PCDHGA11: variants seen among roughly 807,000 people sequenced by gnomAD.
The protein encoded by PCDHGA11 is protocadherin gamma subfamily A, 11, also known as protocadherin gamma-A11.
In PCDHGA11, 39 loss-of-function variants were observed where a neutral mutation model predicts 60.4. That is an observed-to-expected ratio of 0.65 (90% confidence interval 0.50 to 0.84). The LOEUF (loss-of-function observed/expected upper bound fraction) is 0.84. PCDHGA11 is among the 40% of genes least tolerant of loss of function. PCDHGA11 has a pLI of 0.00. For missense variants in PCDHGA11, 1,165 were observed against 1,197.7 expected, an observed-to-expected ratio of 0.97 and a Z score of 0.40; for synonymous variants, 533 against 510.3, an observed-to-expected ratio of 1.04 and a Z score of -0.60.
chr5:141,506,280 C>CT (rs1455257972), intron 3 of PCDHGA11, among the ~76,000 whole-genome samples: 1 of 152,024 alleles, frequency 6.6e-6, no homozygotes, highest in Non-Finnish European at 1.5e-5. Flanking sequence ...GAAACCCTGT[C>CT]TCTACTAAAA....
intron 1 of PCDHGA11, among the ~76,000 whole-genome samples, chr5:141,472,102 T>C (rs1231168102): frequency 6.6e-6 from 1 of 152,240 alleles, no homozygotes; most frequent in Non-Finnish European, 1.5e-5. Flanking sequence ...ATTCCCATTT[T>C]ATACATAAAG....
chr5:141,449,498 A>G (rs1190732747), intron 1 of PCDHGA11, among the ~76,000 whole-genome samples: 7 of 150,506 alleles, frequency 4.7e-5, no homozygotes, highest in Non-Finnish European at 8.9e-5. Flanking sequence ...GTGAGGCATG[A>G]GAAATGCTTG....
chr5:141,479,710 T>C (rs901198074), intron 1 of PCDHGA11: 1 of 152,264 alleles, frequency 6.6e-6, no homozygotes, highest in African/African-American at 2.4e-5. Flanking sequence ...GTCCCTGTCC[T>C]TCCAGCCTTA....
At chr5:141,433,358 C>CCTGCCTAT (rs1554125966) in intron 1 of PCDHGA11, 1 of 498,106 alleles carries the variant, frequency 2.0e-6, no homozygotes, top group Non-Finnish European at 3.5e-6. Flanking sequence ...CTACTGTCTG[C>CCTGCCTAT]CTATCTATCT....
chr5:141,472,733 C>T (rs1450872513), intron 1 of PCDHGA11, among the ~76,000 whole-genome samples: 2 of 151,996 alleles, frequency 1.3e-5, no homozygotes, highest in Non-Finnish European at 2.9e-5. Context: ...CACCTGTAAT[C>T]CCAGCACTTT....
chr5:141,454,142 C>T (rs2098782408), intron 1 of PCDHGA11, among the ~76,000 whole-genome samples: 1 of 152,222 alleles, frequency 6.6e-6, no homozygotes, highest in Non-Finnish European at 1.5e-5. Context: ...GGAATGTTCA[C>T]ACTGCTACTT....
chr5:141,432,745 G>A lies in PCDHGA11; in HGVS notation c.2433+9085G>A, dbSNP rs138883931. ...TCTCCGCCACTGTCACGCTCACCGT[G>A]GCCGTGGCCGACAGCATCCCCCAAG... On this transcript the variant is annotated intron_variant, in intron 1 of 3. Coordinates refer to ENST00000398587, the MANE Select transcript of PCDHGA11 (RefSeq NM_018914.3). This position sits in a 1 kb window ranked among gnomAD's most constrained non-coding sequence, Gnocchi z 6.0. 311 of 1,614,110 alleles carry A rather than the reference G, an allele frequency of 1.9e-4. No individual in the cohort carries two copies. The African/African-American group carries it at 3.5e-3, about 18-fold the overall frequency.
chr5:141,432,014 A>C lies in PCDHGA11; in HGVS notation c.2433+8354A>C, dbSNP rs778393699. Reference sequence around the variant, plus strand: ...GGATAGGGAACAGGTTCCTAGCTACAACATCACAGTGACCGCCACTGACCG... The same window carrying C: ...GGATAGGGAACAGGTTCCTAGCTACCACATCACAGTGACCGCCACTGACCG... On this transcript the variant is annotated intron_variant, in intron 1 of 3. Transcript: ENST00000398587. This position sits in a 1 kb window ranked among gnomAD's most constrained non-coding sequence, Gnocchi z 6.0. 16 of 1,614,196 alleles carry C rather than the reference A, an allele frequency of 9.9e-6. 1 individual carries two copies. In the South Asian group the frequency reaches 1.6e-4, roughly 17 times the overall value.
intron 1 of PCDHGA11, among the ~76,000 whole-genome samples, chr5:141,442,784 A>C (rs1267270442): frequency 2.0e-5 from 3 of 152,212 alleles, no homozygotes; most frequent in Non-Finnish European, 4.4e-5. Flanking sequence ...ATTATATTTT[A>C]TAATTTTACT....
chr5:141,500,294 C>T (rs755761935), intron 2 of PCDHGA11, among the ~76,000 whole-genome samples: 3 of 151,732 alleles, frequency 2.0e-5, no homozygotes, highest in Non-Finnish European at 2.9e-5. Flanking sequence ...CTGCAAGCTC[C>T]GCCTCCCAGG....
chr5:141,508,725 G>C (rs1447443196), intron 3 of PCDHGA11, among the ~76,000 whole-genome samples: 1 of 151,788 alleles, frequency 6.6e-6, no homozygotes, highest in Non-Finnish European at 1.5e-5. Flanking sequence ...TGTGCAGGGA[G>C]ACTACACCCC....
At chr5:141,484,891 C>T in intron 1 of PCDHGA11, 1 of 361,788 alleles carries the variant, frequency 2.8e-6, no homozygotes, top group Non-Finnish European at 5.0e-6. Context: ...GGGCTTTTTC[C>T]CCTCCAATGC....
chr5:141,476,714 C>T lies in PCDHGA11; in HGVS notation c.2434-18093C>T, dbSNP rs146188020. On this transcript the variant is annotated intron_variant, in intron 1 of 3. Transcript: ENST00000398587. The surrounding 1 kb of genome is among the most constrained non-coding windows in gnomAD (Gnocchi z 7.6). ...CAAGTACGCGGAGCTGGTGTTGGAG[C>T]GCGCCCTGGACCGAGAACGGGAGCC... The T allele has an allele frequency of 6.2e-7, 1 of 1,614,154 alleles. No individual in the cohort carries two copies. The highest frequency in any genetic ancestry group is 8.5e-7 in the Non-Finnish European group (1 of 1,180,032).
chr5:141,480,607 C>T (rs2099522175), intron 1 of PCDHGA11, among the ~76,000 whole-genome samples: 1 of 145,670 alleles, frequency 6.9e-6, no homozygotes, highest in Admixed American at 6.8e-5. Context: ...GCCTGGAAAG[C>T]AACTGGCATT....
chr5:141,478,210 A>G, intron 1 of PCDHGA11: 1 of 1,614,064 alleles, frequency 6.2e-7, no homozygotes, highest in East Asian at 2.2e-5. Flanking sequence ...TTCTTTCTCT[A>G]ATCCTGGTTT....
At chr5:141,435,821 T>C (rs571444304) in intron 1 of PCDHGA11, among the ~76,000 whole-genome samples, 72 of 152,240 alleles carry the variant, frequency 4.7e-4, no homozygotes, top group African/African-American at 1.6e-3. Context: ...CTTTCTTCTT[T>C]GTTTGCTGCC....
intron 1 of PCDHGA11, among the ~76,000 whole-genome samples, chr5:141,447,677 A>G (rs748479750): frequency 6.6e-6 from 1 of 152,184 alleles, no homozygotes; most frequent in Non-Finnish European, 1.5e-5. Context: ...GAACTGTTCC[A>G]TATCTTGATA....
chr5:141,504,010 C>G (rs980812107), intron 2 of PCDHGA11, among the ~76,000 whole-genome samples: 9 of 152,204 alleles, frequency 5.9e-5, no homozygotes, highest in African/African-American at 1.2e-4. Context: ...TTAACTGTCT[C>G]TGCTGGTCTC....
chr5:141,460,275 A>G (rs2154566824), intron 1 of PCDHGA11, among the ~76,000 whole-genome samples: 1 of 152,098 alleles, frequency 6.6e-6, no homozygotes, highest in East Asian at 1.9e-4. Context: ...TTTTTCTTTT[A>G]TAGTTTGTAT....
Sources: gnomAD v4.1 joint callset for allele counts (sites outside exome capture counted in the v4.1 genomes callset) on GRCh38, gnomAD v4.1.1 for gene constraint, Gnocchi (gnomAD v3.1) non-coding constraint, MANE v1.5 for transcripts, NCBI Gene and HGNC (gene_info 2026-07-23, HGNC 2026-07-21) for gene names.